The following AIM2 variants were observed in gnomAD, a reference collection of about 807,000 sequenced individuals.
AIM2 encodes the protein interferon-inducible protein AIM2.
Under a neutral mutation model 27.7 loss-of-function variants are expected in AIM2, and 30 were observed. The ratio of observed to expected loss-of-function variants is 1.08; its 90% CI spans 0.81 to 1.47. AIM2 has a LOEUF of 1.47. Among genes scored for constraint, AIM2 ranks in the 40% most tolerant of loss-of-function variants. AIM2 has a pLI of 0.00. For synonymous variants in AIM2, 141 were observed against 145.3 expected, an observed-to-expected ratio of 0.97 and a Z score of 0.21; for missense variants, 358 against 411.3, an observed-to-expected ratio of 0.87 and a Z score of 1.12.
chr1:159,124,706 C>A (rs1161664030), intron 1 of AIM2, among the ~76,000 whole-genome samples: 1 of 152,146 alleles, frequency 6.6e-6, no homozygotes, highest in South Asian at 2.1e-4. Flanking sequence ...AGAGAACAAC[C>A]CCTCAGATCA....
chr1:159,122,794 A>C (rs1442903562), intron 1 of AIM2, among the ~76,000 whole-genome samples: 1 of 151,902 alleles, frequency 6.6e-6, no homozygotes, highest in African/African-American at 2.4e-5. Context: ...GGCATTTACT[A>C]TTTTCACGGT....
At chr1:159,132,024 A>G (rs1429597434) in intron 1 of AIM2, among the ~76,000 whole-genome samples, 1 of 152,000 alleles carries the variant, frequency 6.6e-6, no homozygotes, top group East Asian at 1.9e-4. Flanking sequence ...ATGAAACTCA[A>G]ACTTCATGGG....
At chr1:159,092,028 T>G (rs1170788572) in intron 1 of AIM2, among the ~76,000 whole-genome samples, 1 of 152,142 alleles carries the variant, frequency 6.6e-6, no homozygotes, top group East Asian at 1.9e-4. Context: ...AAAAAAACAA[T>G]TAAGTGAAAT....
downstream of AIM2, among the ~76,000 whole-genome samples, chr1:159,060,557 G>A (rs752083843): frequency 5.3e-5 from 8 of 152,084 alleles, no homozygotes; most frequent in Non-Finnish European, 1.2e-4. Context: ...CTTTGTTGCC[G>A]GCCTTCCTCT....
chr1:159,115,619 C>T (rs989497541), intron 1 of AIM2, among the ~76,000 whole-genome samples: 1 of 152,188 alleles, frequency 6.6e-6, no homozygotes, highest in Non-Finnish European at 1.5e-5. Context: ...GCTGGGAAAA[C>T]TGGCTAGCCA....
chr1:159,077,844 A>C (rs1247897504), upstream of AIM2, among the ~76,000 whole-genome samples: 1 of 152,188 alleles, frequency 6.6e-6, no homozygotes. Context: ...TGAACATCTA[A>C]TATGATGTAT....
chr1:159,132,661 C>T (rs970434812), intron 1 of AIM2, among the ~76,000 whole-genome samples: 2 of 152,196 alleles, frequency 1.3e-5, no homozygotes, highest in Admixed American at 6.5e-5. Context: ...ACACATTCCT[C>T]CACCAGAGAA....
upstream of AIM2, among the ~76,000 whole-genome samples, chr1:159,141,597 A>T (rs1174463015): frequency 6.6e-6 from 1 of 152,110 alleles, no homozygotes; most frequent in African/African-American, 2.4e-5. Context: ...TAAAAGAGGC[A>T]CCTGCCAGGT....
At chr1:159,146,107 C>CAAA (rs200424411) in intron 1 of AIM2, among the ~76,000 whole-genome samples, 2 of 88,842 alleles carry the variant, frequency 2.3e-5, no homozygotes. Context: ...ACTGTCCCCT[C>CAAA]AAAAAAAAAA....
chr1:159,056,731 A>AC, the AIM2 span, among the ~76,000 whole-genome samples: 51 of 143,354 alleles, frequency 3.6e-4, no homozygotes, highest in South Asian at 6.7e-4. Flanking sequence ...AAAAAAAAAA[A>AC]AAAAAAAAAA....
chr1:159,090,963 G>T (rs1475155838), intron 1 of AIM2, among the ~76,000 whole-genome samples: 1 of 151,984 alleles, frequency 6.6e-6, no homozygotes, highest in African/African-American at 2.4e-5. Context: ...CTCCCTCCTG[G>T]TATTCTTCTT....
chr1:159,078,476 G>A (rs535511443), upstream of AIM2, among the ~76,000 whole-genome samples: 6 of 152,316 alleles, frequency 3.9e-5, no homozygotes, highest in African/African-American at 1.2e-4. Flanking sequence ...CTGAGTAAAC[G>A]AGAGAAAGCT....
rs572476207 is a variant in AIM2 at position 159,066,207 on chromosome 1, C to G, written c.519G>C (p.Lys173Asn). ...CCACTGTAGCATGAAACATCTCCTGCTTGCCTTCTTGGGTCTCAAACGTGA... is the reference window on the plus strand; with the variant it reads ...CCACTGTAGCATGAAACATCTCCTGGTTGCCTTCTTGGGTCTCAAACGTGA... ...KPFTFETQEGKQEMFHATVAT... is the reference protein window; with the variant it reads ...KPFTFETQEGNQEMFHATVAT... The change falls in exon 4 of 6, where the codon AAG becomes AAC. Residue 173 changes from lysine to asparagine, a missense_variant. Physicochemically the swap from Lys to Asn is moderately conservative, Grantham distance 94. Coordinates refer to ENST00000368130, the MANE Select transcript of AIM2 (RefSeq NM_004833.3). The G allele has an allele frequency of 3.1e-6, 5 of 1,614,180 alleles. No homozygotes were observed. In the African/African-American group the frequency reaches 6.7e-5, roughly 22 times the overall value.
chr1:159,097,650 C>T (rs956879022), intron 1 of AIM2, among the ~76,000 whole-genome samples: 4 of 152,148 alleles, frequency 2.6e-5, no homozygotes, highest in African/African-American at 7.2e-5. Flanking sequence ...TGGTCAAGTC[C>T]CTTCCCCTTC....
chr1:159,125,212 A>G (rs955981650), intron 1 of AIM2, among the ~76,000 whole-genome samples: 2 of 152,240 alleles, frequency 1.3e-5, no homozygotes, highest in Admixed American at 1.3e-4. Context: ...GCTCCCAGTC[A>G]GCAAAACGGT....
the AIM2 span, among the ~76,000 whole-genome samples, chr1:159,056,356 G>A: frequency 2.0e-5 from 3 of 152,068 alleles, no homozygotes; most frequent in East Asian, 5.8e-4. Context: ...TTTCTCTGGG[G>A]ACCCCTTCCC....
chr1:159,074,306 G>T (rs530651398), intron 1 of AIM2, among the ~76,000 whole-genome samples: 1 of 151,962 alleles, frequency 6.6e-6, no homozygotes, highest in African/African-American at 2.4e-5. Flanking sequence ...AGAATTTTAC[G>T]GTTTGATCAT....
At chr1:159,059,799 C>T (rs1455767909), downstream of AIM2, among the ~76,000 whole-genome samples, 1 of 152,164 alleles carries the variant, frequency 6.6e-6, no homozygotes, top group Non-Finnish European at 1.5e-5. Context: ...AAATTACCCT[C>T]TGCTCAAAAG....
At chr1:159,057,747 T>C (rs1190434004), downstream of AIM2, among the ~76,000 whole-genome samples, 1 of 152,196 alleles carries the variant, frequency 6.6e-6, no homozygotes, top group African/African-American at 2.4e-5. Flanking sequence ...GAAACACAAT[T>C]TCTTTCTCTC....
Sources: gnomAD v4.1 joint callset for allele counts (sites outside exome capture counted in the v4.1 genomes callset) on GRCh38, gnomAD v4.1.1 for gene constraint, MANE v1.5 for transcripts, NCBI Gene and HGNC (gene_info 2026-07-23, HGNC 2026-07-21) for gene names.